PRR14L: variants seen among roughly 807,000 people sequenced by gnomAD.
The protein encoded by PRR14L is protein PRR14L.
In PRR14L, 80 loss-of-function variants were observed where a neutral mutation model predicts 155.0. The ratio of observed to expected loss-of-function variants is 0.52; its 90% CI spans 0.43 to 0.62. The LOEUF is 0.62. Among genes scored for constraint, PRR14L ranks in the 20% least tolerant of loss-of-function variants. PRR14L has a pLI of 0.00. For missense variants in PRR14L, 2,469 were observed against 2,548.0 expected (o/e 0.97, Z 0.67); for synonymous variants, 883 against 916.0 (o/e 0.96, Z 0.65).
Position 31,714,349 on chromosome 22 carries a change from G to A in PRR14L, c.3490C>T (p.Pro1164Ser), listed in dbSNP as rs1198539675. The stretch of plus-strand genomic sequence containing the variant: ...ACTCTGCCCAATATTCTTTTATTTG[G>A]TTCATGATCTGCAACAGACTCCATC... ...HEMESVADHE[P>S]NKRILGRVNL... The change falls in exon 4 of 9, where the codon CCA (proline) becomes TCA (serine). Residue 1164 changes from proline to serine, a missense_variant. Transcript: ENST00000327423. 10 of 1,551,590 alleles carry A rather than the reference G, an allele frequency of 6.4e-6. No individual in the cohort carries two copies. The highest frequency in any genetic ancestry group is 1.7e-4 in the Middle Eastern group (1 of 5,992).
At chr22:31,724,260 G>A (rs1332728836) in intron 3 of PRR14L, among the ~76,000 whole-genome samples, 1 of 152,194 alleles carries the variant, frequency 6.6e-6, no homozygotes. Flanking sequence ...TAATAGAAAC[G>A]AAGTGCACAA....
In PRR14L at chr22:31,727,655, AG is replaced by A. The variant is rs777602077; in HGVS notation, c.475-2046del. Among the ~76,000 whole-genome samples the A allele has an allele frequency of 6.6e-5, 10 of 152,244 alleles. 1 individual carries two copies. The East Asian group carries it at 9.7e-4, about 15-fold the overall frequency. ...TCACAGGAAGGCTGGAGACTCTACAAGGTTTGTGTTAATCTGAAATATAATC... is the reference window on the plus strand; with the variant it reads ...TCACAGGAAGGCTGGAGACTCTACAAGTTTGTGTTAATCTGAAATATAATC... On this transcript the variant is annotated intron_variant, in intron 2 of 8. Transcript: ENST00000327423.
rs986787707 is a variant in PRR14L, at chr22:31,716,737, C to T, written c.1102G>A (p.Gly368Ser). 2 of 1,551,810 alleles carry T rather than the reference C, an allele frequency of 1.3e-6. No individual in the cohort carries two copies. Among genetic ancestry groups the T allele is most frequent in the African/African-American group, 1.4e-5 (1 of 73,152 alleles). ...TTTTCAGCAGATCTCTTTAGCAAAC[C>T]ACCACCTTCAAAACCACAGTTTTCT... Reference protein sequence around the residue: ...SLENCGFEGGGLLKRSAEKTD... With the variant: ...SLENCGFEGGSLLKRSAEKTD... Residue 368 changes from glycine (G) to serine (S), a missense_variant, in exon 4 of 9, where the codon GGT becomes AGT. Gly to Ser is a moderately conservative substitution (Grantham distance 56). This residue lies in a region of PRR14L where 2,363 missense variants were observed against 2,371.6 expected (regional missense o/e 1.00). Coordinates refer to ENST00000327423, the MANE Select transcript of PRR14L (RefSeq NM_173566.3).
chr22:31,690,983 A>G (rs2074508571), intron 7 of PRR14L, among the ~76,000 whole-genome samples: 2 of 134,786 alleles, frequency 1.5e-5, no homozygotes, highest in African/African-American at 5.8e-5. Context: ...TTTTTTTTTG[A>G]GACCAAGTCT....
chr22:31,725,414 T>C (rs1001369983), intron 3 of PRR14L, 124 bp downstream of exon 3: 5 of 664,014 alleles, frequency 7.5e-6, no homozygotes, highest in African/African-American at 3.6e-5. Context: ...ACAGTTTCTA[T>C]AGTTAAGTAC....
rs769686260 is a variant in PRR14L at position 31,714,858 on chromosome 22, C to A, written c.2981G>T (p.Ser994Ile). 3 of 1,551,996 alleles carry A rather than the reference C, an allele frequency of 1.9e-6. No individual in the cohort carries two copies. The highest frequency in any genetic ancestry group is 2.6e-6 in the Non-Finnish European group (3 of 1,147,052). ...SEGQSAKEML[S>I]SDQRETVTEP... is the part of the protein sequence containing the mutation. ...GGTGACAGTCTCTCTCTGGTCACTA[C>A]TTAGCATCTCCTTGGCTGACTGACC... Residue 994 changes from serine to isoleucine, a missense_variant, in exon 4 of 9, where the codon AGT becomes ATT. By Grantham distance (142) the Ser-to-Ile change is moderately radical (BLOSUM62 -2). Coordinates refer to ENST00000327423, the MANE Select transcript of PRR14L (RefSeq NM_173566.3).
At position 31,717,078 on chromosome 22, in the gene PRR14L, G is replaced by C; in HGVS notation, c.761C>G (p.Pro254Arg). Reference protein sequence around the residue: ...SETSTLVTPEPLTFVDPVLTE... With the variant: ...SETSTLVTPERLTFVDPVLTE... ...TAATACAGGGTCCACAAAGGTTAAA[G>C]GTTCTGGGGTAACTAATGTGCTGGT... The change falls in exon 4 of 9, where the codon CCT becomes CGT. Residue 254 changes from proline to arginine, a missense_variant. Around this residue, in one of 2 missense-constraint regions of PRR14L, gnomAD observed 2,363 missense variants for 2,371.6 expected, o/e 1.00. Coordinates refer to ENST00000327423, the MANE Select transcript of PRR14L (RefSeq NM_173566.3). 2 of 1,551,960 alleles carry C rather than the reference G, an allele frequency of 1.3e-6. No homozygotes were observed. Among genetic ancestry groups the C allele is most frequent in the Non-Finnish European group, 1.7e-6 (2 of 1,147,002 alleles).
intron 2 of PRR14L, among the ~76,000 whole-genome samples, chr22:31,735,450 A>AAAAAG (rs2074774291): frequency 6.6e-6 from 1 of 151,822 alleles, no homozygotes; most frequent in Non-Finnish European, 1.5e-5. Flanking sequence ...CAAAAAAAAA[A>AAAAAG]AAAAGAACAC....
At position 31,716,715 on chromosome 22, in the gene PRR14L, T is replaced by G; in HGVS notation, c.1124A>C (p.Glu375Ala). 1 of 1,551,814 alleles carries G rather than the reference T, an allele frequency of 6.4e-7. No homozygotes were observed. The highest frequency in any genetic ancestry group is 8.7e-7 in the Non-Finnish European group (1 of 1,147,004). The change falls in exon 4 of 9, where the codon GAA becomes GCA. Residue 375 changes from glutamate to alanine, a missense_variant. Physicochemically the swap from Glu to Ala is moderately radical, Grantham distance 107 (BLOSUM62 -1). Transcript: ENST00000327423. ...ATAAAAATAAGAACTGTCTGTCTTT[T>G]CAGCAGATCTCTTTAGCAAACCACC... Reference protein sequence around the residue: ...EGGGLLKRSAEKTDSSYFYRG... With the variant: ...EGGGLLKRSAAKTDSSYFYRG...
chr22:31,742,480 C>T (rs1756887010), intron 1 of PRR14L, among the ~76,000 whole-genome samples: 2 of 152,030 alleles, frequency 1.3e-5, no homozygotes, highest in African/African-American at 4.8e-5. Context: ...GATTATCCTG[C>T]CTCAGTCTCC....
intron 2 of PRR14L, among the ~76,000 whole-genome samples, chr22:31,728,538 AGGAGGC>A (rs903696553): frequency 1.3e-4 from 20 of 151,142 alleles, no homozygotes; most frequent in African/African-American, 4.9e-4. Flanking sequence ...GCTTGAACCC[AGGAGGC>A]GGAGGTTGCA....
Position 31,714,463 on chromosome 22 carries a change from GA to G in PRR14L, c.3375del (p.Leu1126SerfsTer3). The G allele has an allele frequency of 6.4e-7, 1 of 1,551,602 alleles. No homozygotes were observed. The highest frequency in any genetic ancestry group is 8.7e-7 in the Non-Finnish European group (1 of 1,146,972). The part of the protein sequence containing the change: ...FPVTAASTVD[F>X]LKIKKSCEEN... ...TCTTCACATGATTTTTTTATTTTGAGAAAGTCCACTGTAGAAGCAGCAGTAA... is the reference window on the plus strand; with the variant it reads ...TCTTCACATGATTTTTTTATTTTGAGAAGTCCACTGTAGAAGCAGCAGTAA... On this transcript the variant is annotated frameshift_variant, in exon 4 of 9. Transcript: ENST00000327423. LOFTEE classifies it high-confidence loss of function.
chr22:31,734,985 C>T lies in PRR14L; in HGVS notation c.474+3402G>A, dbSNP rs1416328160. ...CCTGCAGGTCTTCCGTTTCCCCTTT[C>T]CCCGTAAGTATTTCTGTTTCTTTTC... On this transcript the variant is annotated intron_variant, in intron 2 of 8. Transcript: ENST00000327423. 3.3e-5 allele frequency among the ~76,000 whole-genome samples: 5 copies of T among 152,330 alleles called. No homozygotes were observed. In the South Asian group the frequency reaches 1.0e-3, roughly 32 times the overall value.
intron 7 of PRR14L, among the ~76,000 whole-genome samples, chr22:31,693,865 T>C (rs567490039): frequency 6.6e-6 from 1 of 152,376 alleles, no homozygotes; most frequent in East Asian, 1.9e-4. Flanking sequence ...TTTTGATTAT[T>C]CAATTTTACA....
chr22:31,724,849 T>C (rs1325907234), intron 3 of PRR14L, among the ~76,000 whole-genome samples: 2 of 152,158 alleles, frequency 1.3e-5, no homozygotes, highest in African/African-American at 4.8e-5. Flanking sequence ...CTAAAAGTAA[T>C]AATCTCAGAA....
intron 3 of PRR14L, among the ~76,000 whole-genome samples, chr22:31,717,928 T>C (rs2074669070): frequency 6.9e-6 from 1 of 145,760 alleles, no homozygotes; most frequent in African/African-American, 2.5e-5. Context: ...CCCAGCTAAT[T>C]TTTTTTTTTT....
chr22:31,685,941 C>CT (rs1569496921), intron 8 of PRR14L, 138 bp from the exon 9 acceptor site: 71 of 785,328 alleles, frequency 9.0e-5, no homozygotes, highest in Non-Finnish European at 1.3e-4. Context: ...AACTCTTTTT[C>CT]TTTTTTTTGT....
intron 7 of PRR14L, among the ~76,000 whole-genome samples, chr22:31,701,207 C>T (rs1569497648): frequency 1.3e-5 from 2 of 152,090 alleles, no homozygotes; most frequent in East Asian, 1.9e-4. Context: ...AGGCTGGTCT[C>T]GAACTCCCGA....
intron 3 of PRR14L, among the ~76,000 whole-genome samples, chr22:31,725,126 T>TG (rs1486119425): frequency 6.6e-6 from 1 of 152,178 alleles, no homozygotes; most frequent in African/African-American, 2.4e-5. Flanking sequence ...CTGGGTGCGG[T>TG]GGCTCATGCC....
Sources: allele counts gnomAD v4.1 joint callset (sites outside exome capture counted in the v4.1 genomes callset), GRCh38; gene constraint gnomAD v4.1.1; regional missense constraint gnomAD v4.1.1; transcripts MANE v1.5; gene names NCBI Gene and HGNC (gene_info 2026-07-23, HGNC 2026-07-21).